Variants in CEP128 observed in about 807,000 individuals in gnomAD.
The protein encoded by CEP128 is centrosomal protein 128.
CEP128 carries 132 observed loss-of-function variants against 156.7 expected under a neutral mutation model. That is an observed-to-expected ratio of 0.84 (90% CI 0.73 to 0.97). The LOEUF (loss-of-function observed/expected upper bound fraction) is 0.97. CEP128 is among the 50% of genes least tolerant of loss of function. The pLI, the probability that CEP128 is intolerant of heterozygous loss-of-function variation, is 0.00. For synonymous variants in CEP128, 469 were observed against 448.9 expected, an observed-to-expected ratio of 1.04 and a Z score of -0.57; for missense variants, 1,252 against 1,281.9, an observed-to-expected ratio of 0.98 and a Z score of 0.36.
At chr14:80,597,950 C>CAAA (rs34001813) in intron 19 of CEP128, among the ~76,000 whole-genome samples, 7,530 of 78,440 alleles carry the variant, frequency 0.096, 380 homozygotes, top group South Asian at 0.12. Context: ...TCCTCAGCTA[C>CAAA]AAAAAAAAAA....
intron 20 of CEP128, among the ~76,000 whole-genome samples, chr14:80,579,621 T>G (rs1313424317): frequency 2.0e-5 from 3 of 152,194 alleles, no homozygotes; most frequent in Non-Finnish European, 2.9e-5. Flanking sequence ...CACTCTCCAG[T>G]CTTGCCTTGT....
intron 21 of CEP128, among the ~76,000 whole-genome samples, chr14:80,550,738 T>C (rs1277055305): frequency 6.6e-6 from 1 of 151,278 alleles, no homozygotes; most frequent in Non-Finnish European, 1.5e-5. Flanking sequence ...TATACATTTT[T>C]ATAGACTGGA....
At chr14:80,811,806 C>T (rs902051117) in intron 13 of CEP128, among the ~76,000 whole-genome samples, 9 of 24,408 alleles carry the variant, frequency 3.7e-4, no homozygotes, top group East Asian at 2.1e-3. Flanking sequence ...TGTGTGTGTG[C>T]ACACGCATGT....
chr14:80,845,547 G>T (rs1886557265), intron 9 of CEP128, among the ~76,000 whole-genome samples: 1 of 152,066 alleles, frequency 6.6e-6, no homozygotes, highest in Non-Finnish European at 1.5e-5. Flanking sequence ...ACTGAGTTAG[G>T]ATTGTTGACA....
rs10672093 is a variant in CEP128 at position 80,732,471 on chromosome 14, G to GGTGTGTGTGTGTGT, written c.2806+10590_2806+10603dup. 1.8e-3 allele frequency among the ~76,000 whole-genome samples: 233 copies of GGTGTGTGTGTGTGT among 127,720 alleles called. 1 individual carries two copies. The highest frequency in any genetic ancestry group is 5.2e-3 in the African/African-American group (174 of 33,570). The allele number at this position is 127,720 out of a possible 152,430, so 83.8% of individuals were successfully genotyped here. Reference sequence around the variant, plus strand: ...TTCATCTGGCAGAACTGATTAAGCAGGTGTGTGTGTGTGTGTGTGTGTGTG... The same window carrying GGTGTGTGTGTGTGT: ...TTCATCTGGCAGAACTGATTAAGCAGGTGTGTGTGTGTGTGTGTGTGTGTGTGTGTGTGTGTGTG... On this transcript the variant is annotated intron_variant, in intron 19 of 24. Transcript: ENST00000555265.
intron 21 of CEP128, among the ~76,000 whole-genome samples, chr14:80,557,339 T>C (rs1890478778): frequency 6.6e-6 from 1 of 152,234 alleles, no homozygotes; most frequent in Non-Finnish European, 1.5e-5. Context: ...TATTTTCACG[T>C]GTATTTTCTC....
At chr14:80,544,587 G>A (rs1072857) in intron 21 of CEP128, among the ~76,000 whole-genome samples, 5,435 of 152,214 alleles carry the variant, frequency 0.036, 123 homozygotes, top group South Asian at 0.077. Context: ...CTACCTTGCC[G>A]GCTTGCAAGT....
At chr14:80,774,984 AT>A (rs1259144517) in intron 16 of CEP128, among the ~76,000 whole-genome samples, 13 of 152,196 alleles carry the variant, frequency 8.5e-5, no homozygotes, top group African/African-American at 3.1e-4. Context: ...CTAACACATC[AT>A]TAGGCTGACC....
upstream of CEP128, among the ~76,000 whole-genome samples, chr14:80,942,703 G>C (rs962313084): frequency 1.3e-5 from 2 of 151,870 alleles, no homozygotes; most frequent in African/African-American, 4.8e-5. Context: ...CCCTTCAAAG[G>C]GACCTAACCT....
chr14:80,851,686 T>C (rs1886897346), intron 9 of CEP128, among the ~76,000 whole-genome samples: 1 of 151,934 alleles, frequency 6.6e-6, no homozygotes, highest in African/African-American at 2.4e-5. Flanking sequence ...CTTTAAAATA[T>C]TCCAATAATC....
intron 22 of CEP128, among the ~76,000 whole-genome samples, chr14:80,528,218 A>G (rs2167149): frequency 0.86 from 131,373 of 152,250 alleles, 57,107 homozygotes; most frequent in Middle Eastern, 0.94. Flanking sequence ...GATTGGACTT[A>G]GAACTCAATG....
At chr14:80,872,858 AAAC>A (rs2139266743) in intron 8 of CEP128, among the ~76,000 whole-genome samples, 1 of 152,328 alleles carries the variant, frequency 6.6e-6, no homozygotes, top group East Asian at 1.9e-4. Flanking sequence ...CCCTGGAAAC[AAAC>A]ATCATGTGGC....
chr14:80,908,893 G>T (rs554603282), intron 4 of CEP128, among the ~76,000 whole-genome samples: 1 of 152,162 alleles, frequency 6.6e-6, no homozygotes, highest in East Asian at 1.9e-4. Context: ...GTGAAGGCTG[G>T]TCTATTTTCA....
chr14:80,678,856 G>T (rs141038419), intron 19 of CEP128, among the ~76,000 whole-genome samples: 2 of 152,166 alleles, frequency 1.3e-5, no homozygotes, highest in African/African-American at 2.4e-5. Flanking sequence ...CAGGGACCCC[G>T]AACAGAGGGA....
chr14:80,720,005 C>G (rs1236329961), intron 19 of CEP128, among the ~76,000 whole-genome samples: 1 of 151,910 alleles, frequency 6.6e-6, no homozygotes, highest in African/African-American at 2.4e-5. Flanking sequence ...AGAAAAGGAC[C>G]TACTTAGATT....
chr14:80,489,417 T>C (rs1887249207), downstream of CEP128, among the ~76,000 whole-genome samples: 1 of 152,088 alleles, frequency 6.6e-6, no homozygotes, highest in Admixed American at 6.6e-5. Context: ...ACACTCTCTA[T>C]GGGTTAACTC....
intron 19 of CEP128, among the ~76,000 whole-genome samples, chr14:80,711,321 G>GTT (rs1897397304): frequency 6.6e-6 from 1 of 151,756 alleles, no homozygotes; most frequent in Non-Finnish European, 1.5e-5. Context: ...GTGTGTGTGT[G>GTT]TGTGTGTGTG....
chr14:80,566,860 A>AG (rs978803405), intron 20 of CEP128, among the ~76,000 whole-genome samples: 27 of 151,882 alleles, frequency 1.8e-4, no homozygotes, highest in African/African-American at 6.3e-4. Context: ...TGAAGAAAAA[A>AG]AAAACAGCGA....
At chr14:80,843,141 T>G (rs1421765780) in intron 9 of CEP128, among the ~76,000 whole-genome samples, 1 of 151,994 alleles carries the variant, frequency 6.6e-6, no homozygotes, top group East Asian at 1.9e-4. Flanking sequence ...TCTACAACAT[T>G]GACAACAAGC....
Sources: gnomAD v4.1 joint callset for allele counts (sites outside exome capture counted in the v4.1 genomes callset) on GRCh38, gnomAD v4.1.1 for gene constraint, MANE v1.5 for transcripts, NCBI Gene and HGNC (gene_info 2026-07-23, HGNC 2026-07-21) for gene names.